The following PSME4 variants were observed in gnomAD, a reference collection of about 807,000 sequenced individuals.
The protein encoded by PSME4 is proteasome activator complex subunit 4.
PSME4 carries 89 observed loss-of-function variants against 253.9 expected under a neutral mutation model. The observed-to-expected ratio is 0.35, with a 90% CI of 0.30 to 0.42. The LOEUF (loss-of-function observed/expected upper bound fraction) is 0.42. PSME4 is among the 10% of genes least tolerant of loss of function. The probability of loss-of-function intolerance (pLI) is 1.00; values close to 1 mark genes in which losing one functional copy is unlikely to be tolerated. For missense variants in PSME4, 2,014 were observed against 2,195.2 expected, an observed-to-expected ratio of 0.92 and a Z score of 1.65; for synonymous variants, 851 against 759.2, an observed-to-expected ratio of 1.12 and a Z score of -1.99.
intron 8 of PSME4, chr2:53,933,252 C>T (rs1668933207): frequency 3.8e-5 from 6 of 155,934 alleles, no homozygotes; most frequent in Admixed American, 3.1e-4. Flanking sequence ...GTGGTGGGCG[C>T]CTATAGTCCC....
chr2:53,957,901 CTA>C (rs1423381339), intron 1 of PSME4, among the ~76,000 whole-genome samples: 6 of 152,128 alleles, frequency 3.9e-5, no homozygotes. Context: ...CTTACAAAAA[CTA>C]TGTTCACTTT....
At chr2:53,953,028 G>C (rs1028447810) in intron 1 of PSME4, among the ~76,000 whole-genome samples, 1 of 152,152 alleles carries the variant, frequency 6.6e-6, no homozygotes, top group East Asian at 1.9e-4. Flanking sequence ...ACTATAAAAA[G>C]AGACCAACAG....
At chr2:53,942,455 C>T (rs2104470384) in intron 3 of PSME4, among the ~76,000 whole-genome samples, 1 of 151,676 alleles carries the variant, frequency 6.6e-6, no homozygotes, top group East Asian at 1.9e-4. Context: ...TAAAAAGATA[C>T]ATCAGGTTGA....
At chr2:53,901,639 G>C (rs1680405420) in intron 27 of PSME4, 80 bp from the exon 28 acceptor site, 1 of 1,118,608 alleles carries the variant, frequency 8.9e-7, no homozygotes, top group Non-Finnish European at 1.3e-6. Flanking sequence ...CCTATGTATT[G>C]GTTTTAAATG....
chr2:53,876,033 ATTATG>A (rs1186906222), intron 41 of PSME4, among the ~76,000 whole-genome samples: 1 of 152,142 alleles, frequency 6.6e-6, no homozygotes, highest in Non-Finnish European at 1.5e-5. Flanking sequence ...TAAATATTTT[ATTATG>A]TTATTTCTAA....
chr2:53,945,460 T>C (rs537384828), intron 3 of PSME4, among the ~76,000 whole-genome samples: 77 of 152,178 alleles, frequency 5.1e-4, no homozygotes, highest in African/African-American at 1.8e-3. Context: ...AAAGGGTCTT[T>C]TGTCCTAGAG....
Position 53,920,215 on chromosome 2 carries a change from C to T in PSME4, c.2398G>A (p.Asp800Asn). 5 of 1,609,664 alleles carry T rather than the reference C, an allele frequency of 3.1e-6. No homozygotes were observed. Among genetic ancestry groups the T allele is most frequent in the Non-Finnish European group, 4.2e-6 (5 of 1,177,882 alleles). Residue 800 changes from aspartate to asparagine, a missense_variant, in exon 19 of 47, where the codon GAT becomes AAT. Asp to Asn is a conservative substitution (Grantham distance 23). Transcript: ENST00000404125. ...PELVKLQHCG[D>N]GKLEMSRDDI... Reference sequence around the variant, plus strand: ...AACCTAGACATTTCAAGTTTTCCATCCCCACAATGCTGGAGTTTGACGAGC... The same window carrying T: ...AACCTAGACATTTCAAGTTTTCCATTCCCACAATGCTGGAGTTTGACGAGC...
At chr2:53,899,358 G>A (rs1258240719) in intron 29 of PSME4, among the ~76,000 whole-genome samples, 1 of 151,962 alleles carries the variant, frequency 6.6e-6, no homozygotes, top group Non-Finnish European at 1.5e-5. Context: ...AAGCCACCGT[G>A]CTCGGCCTTA....
chr2:53,916,578 C>T (rs984365018), intron 20 of PSME4, among the ~76,000 whole-genome samples: 1 of 152,082 alleles, frequency 6.6e-6, no homozygotes, highest in African/African-American at 2.4e-5. Context: ...AGTATGAATT[C>T]GTATCACAGA....
chr2:53,921,590 C>T (rs1032737940), intron 17 of PSME4, among the ~76,000 whole-genome samples: 1 of 143,176 alleles, frequency 7.0e-6, no homozygotes, highest in Admixed American at 6.9e-5. Flanking sequence ...TGAAGTTGGC[C>T]GGGCGCGGTG....
At chr2:53,870,611 C>T (rs1280570661) in intron 43 of PSME4, 3 of 151,618 alleles carry the variant, frequency 2.0e-5, no homozygotes, top group Non-Finnish European at 2.9e-5. Context: ...CTTCTGACCT[C>T]GTGATCCGCC....
chr2:53,897,223 G>T (rs1335589359), intron 31 of PSME4, among the ~76,000 whole-genome samples: 1 of 138,572 alleles, frequency 7.2e-6, no homozygotes, highest in Admixed American at 7.8e-5. Flanking sequence ...AGGCTGTAGT[G>T]CAATGGCACA....
chr2:53,927,267 T>G, intron 12 of PSME4, 127 bp downstream of exon 12: 2 of 686,194 alleles, frequency 2.9e-6, no homozygotes, highest in Non-Finnish European at 5.0e-6. Flanking sequence ...GCCCTCCATA[T>G]GTACCATTCT....
chr2:53,951,046 C>A (rs1456110147), intron 1 of PSME4, among the ~76,000 whole-genome samples: 11 of 152,054 alleles, frequency 7.2e-5, no homozygotes, highest in Non-Finnish European at 4.4e-5. Context: ...CTTTAACACT[C>A]CCCCAGTACC....
At chr2:53,946,827 C>T (rs1298804572) in intron 3 of PSME4, among the ~76,000 whole-genome samples, 1 of 151,890 alleles carries the variant, frequency 6.6e-6, no homozygotes, top group Middle Eastern at 3.2e-3. Flanking sequence ...GGCGGGAAGA[C>T]TGCTTGAGCC....
At chr2:53,914,358 TTA>T (rs1667963025) in intron 20 of PSME4, among the ~76,000 whole-genome samples, 1 of 152,180 alleles carries the variant, frequency 6.6e-6, no homozygotes, top group Admixed American at 6.5e-5. Context: ...AAAGGTAGAA[TTA>T]TGAGTATAAA....
chr2:53,901,671 T>C lies in PSME4; in HGVS notation c.3076-112A>G, dbSNP rs1454404629. The C allele has an allele frequency of 1.8e-5, 13 of 738,826 alleles. No homozygotes were observed. In the East Asian group the frequency reaches 3.5e-4, roughly 20 times the overall value. 45.8% of individuals were successfully genotyped at this position (738,826 alleles called of 1,614,324 possible). A position where few individuals can be genotyped will look rare whatever the true frequency, so the allele number is the denominator to read the frequency against. ...AATGAGTATTGATTACTTAAATGCT[T>C]AATATTGGTTAGTAAAATATGTTCA... On this transcript the variant is annotated intron_variant, in intron 27 of 46. Coordinates refer to ENST00000404125, the MANE Select transcript of PSME4 (RefSeq NM_014614.3).
intron 10 of PSME4, 131 bp downstream of exon 10, chr2:53,931,704 C>T (rs1668837784): frequency 1.0e-6 from 1 of 969,774 alleles, no homozygotes; most frequent in Non-Finnish European, 1.5e-6. Flanking sequence ...TTAAAATGTC[C>T]TGCTTCTCCT....
chr2:53,952,346 T>C (rs1670039752), intron 1 of PSME4, among the ~76,000 whole-genome samples: 2 of 152,056 alleles, frequency 1.3e-5, no homozygotes, highest in Non-Finnish European at 2.9e-5. Context: ...ATGGAGACCA[T>C]CCTGGCCAAC....
Sources: gnomAD v4.1 joint callset for allele counts (sites outside exome capture counted in the v4.1 genomes callset) on GRCh38, gnomAD v4.1.1 for gene constraint, MANE v1.5 for transcripts, NCBI Gene and HGNC (gene_info 2026-07-23, HGNC 2026-07-21) for gene names.